The following LUZP2 variants were observed in gnomAD, a reference collection of about 807,000 sequenced individuals.
LUZP2 encodes leucine zipper protein 2.
A neutral mutation model predicts 51.6 loss-of-function variants in LUZP2; 52 were observed. The observed-to-expected ratio is 1.01, with a 90% CI of 0.81 to 1.27. LUZP2 has a LOEUF of 1.27. LUZP2 is among the 50% of genes most tolerant of loss of function. The pLI, the probability that LUZP2 is intolerant of heterozygous loss-of-function variation, is 0.00. For missense variants in LUZP2, 436 were observed against 395.4 expected, an observed-to-expected ratio of 1.10 and a Z score of -0.87; for synonymous variants, 154 against 137.3, an observed-to-expected ratio of 1.12 and a Z score of -0.85.
At chr11:24,990,274 C>T (rs1201730916) in intron 9 of LUZP2, among the ~76,000 whole-genome samples, 3 of 152,004 alleles carry the variant, frequency 2.0e-5, no homozygotes, top group Non-Finnish European at 4.4e-5. Flanking sequence ...TAAACATGCA[C>T]ACACACATAC....
chr11:24,720,263 C>T (rs1858213567), intron 1 of LUZP2, among the ~76,000 whole-genome samples: 1 of 151,852 alleles, frequency 6.6e-6, no homozygotes, highest in South Asian at 2.1e-4. Context: ...AAATACTATC[C>T]AATTTGTTTC....
intron 9 of LUZP2, among the ~76,000 whole-genome samples, chr11:25,030,986 C>T (rs60562241): frequency 0.62 from 5,437 of 8,810 alleles, 1,580 homozygotes; most frequent in East Asian, 0.81. Flanking sequence ...ATATATAATA[C>T]AATATATATT....
At chr11:24,622,131 A>G (rs919373246) in intron 1 of LUZP2, among the ~76,000 whole-genome samples, 1 of 150,918 alleles carries the variant, frequency 6.6e-6, no homozygotes, top group Non-Finnish European at 1.5e-5. Context: ...TTTTTTTTTA[A>G]TGTTATTATT....
chr11:25,051,657 C>T (rs150292837), intron 10 of LUZP2, among the ~76,000 whole-genome samples: 1,917 of 152,178 alleles, frequency 0.013, 19 homozygotes, highest in Middle Eastern at 0.044. Context: ...GCCCTGGATT[C>T]CCAAGCTAAG....
intron 9 of LUZP2, among the ~76,000 whole-genome samples, chr11:25,005,032 C>T (rs1017471828): frequency 6.6e-6 from 1 of 152,160 alleles, no homozygotes; most frequent in African/African-American, 2.4e-5. Context: ...CTATCAGGAT[C>T]ATCTGAAAAC....
chr11:24,598,708 T>C (rs927611990), intron 1 of LUZP2, among the ~76,000 whole-genome samples: 1 of 152,168 alleles, frequency 6.6e-6, no homozygotes, highest in Non-Finnish European at 1.5e-5. Context: ...TCTTCAAAAA[T>C]AGAGGCTTGC....
chr11:24,755,826 C>A (rs888685599), intron 4 of LUZP2, among the ~76,000 whole-genome samples: 1 of 152,118 alleles, frequency 6.6e-6, no homozygotes, highest in African/African-American at 2.4e-5. Context: ...AGAAGGAAAT[C>A]AAATTATTTT....
At chr11:24,790,055 T>A (rs1849366070) in intron 5 of LUZP2, among the ~76,000 whole-genome samples, 1 of 152,200 alleles carries the variant, frequency 6.6e-6, no homozygotes, top group African/African-American at 2.4e-5. Flanking sequence ...ACTCCACTCG[T>A]ATGCAAGAAT....
intron 7 of LUZP2, among the ~76,000 whole-genome samples, chr11:24,956,855 G>A (rs1002447075): frequency 2.6e-5 from 4 of 152,076 alleles, no homozygotes; most frequent in African/African-American, 9.7e-5. Context: ...AATTTCCAGG[G>A]CAGTGAGGAC....
At position 24,983,297 on chromosome 11, in the gene LUZP2, C is replaced by A; in HGVS notation, c.765+4C>A. Reference sequence around the variant, plus strand: ...AGATGCAGCGGCCAAAAGCAAGGTACCTACCTTTTATTTGCGCTTTGTAAA... The same window carrying A: ...AGATGCAGCGGCCAAAAGCAAGGTAACTACCTTTTATTTGCGCTTTGTAAA... On this transcript the variant is annotated splice_donor_region_variant and intron_variant, in intron 9 of 11. Coordinates refer to ENST00000336930, the MANE Select transcript of LUZP2 (RefSeq NM_001009909.4). 6.2e-7 allele frequency: 1 copy of A among 1,610,612 alleles called. No homozygotes were observed. Among genetic ancestry groups the A allele is most frequent in the East Asian group, 2.2e-5 (1 of 44,790 alleles).
At chr11:25,005,831 G>T (rs1478149715) in intron 9 of LUZP2, among the ~76,000 whole-genome samples, 1 of 152,062 alleles carries the variant, frequency 6.6e-6, no homozygotes, top group East Asian at 1.9e-4. Context: ...AGGAAAAATC[G>T]GATTTAGTGG....
chr11:24,621,479 C>T (rs1206828471), intron 1 of LUZP2, among the ~76,000 whole-genome samples: 1 of 152,086 alleles, frequency 6.6e-6, no homozygotes, highest in Non-Finnish European at 1.5e-5. Flanking sequence ...TGGTTCTTTC[C>T]ATTGAAGAGC....
intron 5 of LUZP2, among the ~76,000 whole-genome samples, chr11:24,867,190 C>A (rs971554267): frequency 1.1e-4 from 16 of 152,090 alleles, no homozygotes; most frequent in African/African-American, 3.9e-4. Flanking sequence ...CTTTTATGAT[C>A]CCAGAGTAAC....
chr11:24,659,353 T>C, intron 1 of LUZP2, among the ~76,000 whole-genome samples: 1 of 152,002 alleles, frequency 6.6e-6, no homozygotes, highest in East Asian at 1.9e-4. Flanking sequence ...TTCTCACTCA[T>C]AGGTGGGAAT....
At chr11:24,721,931 A>C (rs1426287310) in intron 1 of LUZP2, among the ~76,000 whole-genome samples, 3 of 152,186 alleles carry the variant, frequency 2.0e-5, no homozygotes, top group Admixed American at 6.5e-5. Context: ...ACACTAACAA[A>C]ATGTTAAACA....
At chr11:24,626,878 G>C (rs1854703046) in intron 1 of LUZP2, among the ~76,000 whole-genome samples, 1 of 152,040 alleles carries the variant, frequency 6.6e-6, no homozygotes, top group South Asian at 2.1e-4. Flanking sequence ...AGTCCAAAAT[G>C]GTATGTCACA....
chr11:24,779,623 G>A (rs1849030935), intron 5 of LUZP2, among the ~76,000 whole-genome samples: 1 of 152,180 alleles, frequency 6.6e-6, no homozygotes, highest in African/African-American at 2.4e-5. Flanking sequence ...CTCTTACATG[G>A]AAAATACATG....
At chr11:24,530,934 A>C (rs1489296817) in intron 1 of LUZP2, among the ~76,000 whole-genome samples, 1 of 149,576 alleles carries the variant, frequency 6.7e-6, no homozygotes. Flanking sequence ...AATCCAATGA[A>C]TCCAATTACA....
At chr11:24,708,595 C>T (rs866697641) in intron 1 of LUZP2, among the ~76,000 whole-genome samples, 5 of 152,072 alleles carry the variant, frequency 3.3e-5, no homozygotes, top group Admixed American at 1.3e-4. Flanking sequence ...CTCTCACAGA[C>T]CCACTTCTTG....
Sources: allele counts gnomAD v4.1 joint callset (sites outside exome capture counted in the v4.1 genomes callset), GRCh38; gene constraint gnomAD v4.1.1; transcripts MANE v1.5; gene names NCBI Gene and HGNC (gene_info 2026-07-23, HGNC 2026-07-21).